The following PCDHGA6 variants were observed in gnomAD, a reference collection of about 807,000 sequenced individuals.
PCDHGA6 encodes protocadherin gamma-A6.
A neutral mutation model predicts 60.6 loss-of-function variants in PCDHGA6; 41 were observed. The ratio of observed to expected loss-of-function variants is 0.68; its 90% CI spans 0.53 to 0.88. The LOEUF is 0.88. Among genes scored for constraint, PCDHGA6 ranks in the 40% least tolerant of loss-of-function variants. The pLI, the probability that PCDHGA6 is intolerant of heterozygous loss-of-function variation, is 0.00. For missense variants in PCDHGA6, 1,312 were observed against 1,203.0 expected, an observed-to-expected ratio of 1.09 and a Z score of -1.34; for synonymous variants, 594 against 524.4, an observed-to-expected ratio of 1.13 and a Z score of -1.81.
chr5:141,433,358 C>T (rs974347696), intron 1 of PCDHGA6: 20 of 503,934 alleles, frequency 4.0e-5, no homozygotes, highest in African/African-American at 3.1e-4. Flanking sequence ...CTACTGTCTG[C>T]CTATCTATCT....
intron 1 of PCDHGA6, chr5:141,390,918 T>G (rs997224874): frequency 5.2e-5 from 8 of 152,550 alleles, no homozygotes; most frequent in Non-Finnish European, 1.2e-4. Flanking sequence ...GAAAAAGGTC[T>G]ACTATGCTCA....
intron 1 of PCDHGA6, among the ~76,000 whole-genome samples, chr5:141,381,364 G>T (rs1777146369): frequency 6.6e-6 from 1 of 152,216 alleles, no homozygotes; most frequent in Non-Finnish European, 1.5e-5. Context: ...GCAGAGGGTA[G>T]CCTCGGATCC....
Position 141,511,132 on chromosome 5 carries a change from A to G in PCDHGA6, c.2758A>G (p.Asn920Asp). The change falls in exon 4 of 4, where the codon AAT (asparagine) becomes GAT (aspartate). Residue 920 changes from asparagine to aspartate, a missense_variant. Coordinates refer to ENST00000517434, the MANE Select transcript of PCDHGA6 (RefSeq NM_018919.3). ...GGATGGCAAGGCCCCAGCAGGTGGC[A>G]ATGGCAACAAGAAGAAGTCGGGCAA... ...KRDGKAPAGG[N>D]GNKKKSGKKE... is the part of the protein sequence containing the mutation. The G allele has an allele frequency of 6.2e-7, 1 of 1,614,218 alleles. No individual in the cohort carries two copies. Among genetic ancestry groups the G allele is most frequent in the Non-Finnish European group, 8.5e-7 (1 of 1,180,018 alleles).
chr5:141,431,527 C>T lies in PCDHGA6; in HGVS notation c.2424+55020C>T. The T allele has an allele frequency of 1.2e-6, 2 of 1,614,086 alleles. No homozygotes were observed. The highest frequency in any genetic ancestry group is 2.2e-5 in the East Asian group (1 of 44,888). ...GCGCGAGCGTTCCGGAGAATCTGGC[C>T]TTGGGCACGCAGCTGCTTGTAGTCA... On this transcript the variant is annotated intron_variant, in intron 1 of 3. Coordinates refer to ENST00000517434, the MANE Select transcript of PCDHGA6 (RefSeq NM_018919.3). This position sits in a 1 kb window ranked among gnomAD's most constrained non-coding sequence, Gnocchi z 4.8.
intron 2 of PCDHGA6, among the ~76,000 whole-genome samples, chr5:141,500,815 A>G (rs2099802742): frequency 6.6e-6 from 1 of 152,196 alleles, no homozygotes; most frequent in African/African-American, 2.4e-5. Context: ...ATGAATATAC[A>G]TATTATTTTT....
chr5:141,437,715 C>T (rs2097903335), intron 1 of PCDHGA6, among the ~76,000 whole-genome samples: 1 of 151,772 alleles, frequency 6.6e-6, no homozygotes, highest in Non-Finnish European at 1.5e-5. Context: ...ACACAGTTAC[C>T]CTCTAATGTT....
chr5:141,423,574 C>T (rs953989787), intron 1 of PCDHGA6: 2 of 1,613,328 alleles, frequency 1.2e-6, no homozygotes, highest in Non-Finnish European at 1.7e-6. Flanking sequence ...GCTCATCAGC[C>T]AGGAGAGCTG....
chr5:141,431,828 C>T lies in PCDHGA6; in HGVS notation c.2424+55321C>T. The T allele has an allele frequency of 6.2e-7, 1 of 1,610,208 alleles. No individual in the cohort carries two copies. Among genetic ancestry groups the T allele is most frequent in the Non-Finnish European group, 8.5e-7 (1 of 1,176,374 alleles). On this transcript the variant is annotated intron_variant, in intron 1 of 3. Transcript: ENST00000517434. This position sits in a 1 kb window ranked among gnomAD's most constrained non-coding sequence, Gnocchi z 4.8. Reference sequence around the variant, plus strand: ...CCTCACCTCTCTCGCCAGCTCGGTTCCCGAAAACTCTCCCAGAGGGACATT... The same window carrying T: ...CCTCACCTCTCTCGCCAGCTCGGTTTCCGAAAACTCTCCCAGAGGGACATT...
chr5:141,464,896 G>C (rs1166142533), intron 1 of PCDHGA6, among the ~76,000 whole-genome samples: 2 of 151,554 alleles, frequency 1.3e-5, no homozygotes, highest in African/African-American at 4.8e-5. Context: ...ATGCCACCAT[G>C]TCCAGCTAAT....
Position 141,415,740 on chromosome 5 carries a change from GTTTTTTTTTTTTTTTTTTT to G in PCDHGA6, c.2424+39247_2424+39265del, listed in dbSNP as rs57426385. ...TGAGTAGAATTTGATGTTTATTAAG[GTTTTTTTTTTTTTTTTTTT>G]TTTTTTTTTTTTTACTTTCTGGTAA... is the stretch of plus-strand genomic sequence containing the variant. On this transcript the variant is annotated intron_variant, in intron 1 of 3. Coordinates refer to ENST00000517434, the MANE Select transcript of PCDHGA6 (RefSeq NM_018919.3). The G allele has an allele frequency of 6.7e-5, 42 of 625,046 alleles. No individual in the cohort carries two copies. In the African/African-American group the frequency reaches 7.3e-4, roughly 11 times the overall value. 38.7% of individuals were successfully genotyped at this position (625,046 alleles called of 1,614,324 possible).
chr5:141,457,471 C>T (rs1478580665), intron 1 of PCDHGA6, among the ~76,000 whole-genome samples: 1 of 152,182 alleles, frequency 6.6e-6, no homozygotes, highest in African/African-American at 2.4e-5. Context: ...CAGGAATAAG[C>T]AGGGCCAGGG....
Position 141,491,300 on chromosome 5 carries a change from G to T in PCDHGA6, c.2425-3507G>T. On this transcript the variant is annotated intron_variant, in intron 1 of 3. Coordinates refer to ENST00000517434, the MANE Select transcript of PCDHGA6 (RefSeq NM_018919.3). The surrounding 1 kb of genome is among the most constrained non-coding windows in gnomAD (Gnocchi z 6.9). Reference sequence around the variant, plus strand: ...GACTTCCTCATACACCCTCCTGAGCGTTCAGACCTTACCCTTTACCTCATT... The same window carrying T: ...GACTTCCTCATACACCCTCCTGAGCTTTCAGACCTTACCCTTTACCTCATT... The T allele has an allele frequency of 6.2e-7, 1 of 1,614,136 alleles. No homozygotes were observed. The highest frequency in any genetic ancestry group is 8.5e-7 in the Non-Finnish European group (1 of 1,179,962).
In PCDHGA6 at chr5:141,489,664, A is replaced by C. The variant is rs745597010; in HGVS notation, c.2425-5143A>C. 1.9e-6 allele frequency: 3 copies of C among 1,614,224 alleles called. No individual in the cohort carries two copies. Among genetic ancestry groups the C allele is most frequent in the African/African-American group, 1.3e-5 (1 of 75,058 alleles). On this transcript the variant is annotated intron_variant, in intron 1 of 3. Transcript: ENST00000517434. This position sits in a 1 kb window ranked among gnomAD's most constrained non-coding sequence, Gnocchi z 4.5. ...TGCCACCCCTGAGCGAGAGATGCGC[A>C]TCTCAGAATCAGCAGCATCTGGGGC... is the stretch of plus-strand genomic sequence containing the variant.
chr5:141,418,875 A>G (rs2097697666), intron 1 of PCDHGA6: 1 of 1,613,926 alleles, frequency 6.2e-7, no homozygotes, highest in African/African-American at 1.3e-5. Flanking sequence ...GAAGTTGTAG[A>G]CGAAAACGAC....
intron 1 of PCDHGA6, chr5:141,417,612 T>C: frequency 1.6e-6 from 1 of 617,852 alleles, no homozygotes; most frequent in Non-Finnish European, 2.6e-6. Flanking sequence ...CGTCGGCCAG[T>C]GCAGAGCAAG....
intron 2 of PCDHGA6, among the ~76,000 whole-genome samples, chr5:141,497,541 T>A (rs1157403777): frequency 1.1e-5 from 1 of 89,566 alleles, no homozygotes; most frequent in Admixed American, 1.2e-4. Context: ...GCAACAAACC[T>A]TTTTTTTTTT....
In PCDHGA6 at chr5:141,375,453, A is replaced by C; in HGVS notation, c.1370A>C (p.Tyr457Ser). 1 of 1,613,612 alleles carries C rather than the reference A, an allele frequency of 6.2e-7. No individual in the cohort carries two copies. Among genetic ancestry groups the C allele is most frequent in the South Asian group, 1.1e-5 (1 of 91,050 alleles). ...DNPPTFPHSS[Y>S]SVYVLENNPR... ...CCGCCCACCTTCCCCCATTCATCCTACTCAGTCTATGTCCTTGAAAACAAC... is the reference window on the plus strand; with the variant it reads ...CCGCCCACCTTCCCCCATTCATCCTCCTCAGTCTATGTCCTTGAAAACAAC... The change falls in exon 1 of 4, where the codon TAC (tyrosine) becomes TCC (serine). Residue 457 changes from tyrosine to serine, a missense_variant. Transcript: ENST00000517434.
At position 141,489,397 on chromosome 5, in the gene PCDHGA6, G is replaced by A. The variant is rs1307106048; in HGVS notation, c.2425-5410G>A. 2.5e-6 allele frequency: 4 copies of A among 1,614,058 alleles called. No homozygotes were observed. The highest frequency in any genetic ancestry group is 2.7e-5 in the African/African-American group (2 of 74,914). ...GGTGGGGAATGTTGCTCAGGATCTG[G>A]GCTTAAAGATGACAGATCTGTTGAG... On this transcript the variant is annotated intron_variant, in intron 1 of 3. Transcript: ENST00000517434. This position sits in a 1 kb window ranked among gnomAD's most constrained non-coding sequence, Gnocchi z 4.5.
intron 1 of PCDHGA6, chr5:141,394,735 G>C: frequency 6.2e-7 from 1 of 1,613,450 alleles, no homozygotes; most frequent in Non-Finnish European, 8.5e-7. Context: ...CTCAAGCAGA[G>C]CCTCGTGGTG....
Sources: gnomAD v4.1 joint callset for allele counts (sites outside exome capture counted in the v4.1 genomes callset) on GRCh38, gnomAD v4.1.1 for gene constraint, Gnocchi (gnomAD v3.1) non-coding constraint, MANE v1.5 for transcripts, NCBI Gene and HGNC (gene_info 2026-07-23, HGNC 2026-07-21) for gene names.